Variants in TBL1Y observed in about 807,000 individuals in gnomAD.
TBL1Y encodes transducin beta like 1 Y-linked, also known as F-box-like/WD repeat-containing protein TBL1Y.
TBL1Y carries 15 observed loss-of-function variants against 12.0 expected under a neutral mutation model. That is an observed-to-expected ratio of 1.25 (90% CI 0.83 to 1.92). The LOEUF (loss-of-function observed/expected upper bound fraction) is 1.92. Ranked by LOEUF, TBL1Y falls within the 40% of genes most tolerant of loss-of-function variation. TBL1Y has a pLI of 0.00. For synonymous variants in TBL1Y, 53 were observed against 42.6 expected, an observed-to-expected ratio of 1.24 and a Z score of -0.95; for missense variants, 148 against 116.7, an observed-to-expected ratio of 1.27 and a Z score of -1.24.
At chrY:6,966,651 T>C in intron 2 of TBL1Y, among the ~76,000 whole-genome samples, 1 of 33,350 alleles carries the variant, frequency 3.0e-5, no homozygotes, top group Non-Finnish European at 7.4e-5. Flanking sequence ...CGTGTGTATG[T>C]AAGTGAGAGA....
chrY:7,018,764 C>T, intron 4 of TBL1Y, among the ~76,000 whole-genome samples: 1 of 33,059 alleles, frequency 3.0e-5, no homozygotes, highest in Non-Finnish European at 7.4e-5. Flanking sequence ...AGTGGAACAC[C>T]CAGGGTCTGT....
Position 7,086,378 on chromosome Y carries a change from C to G in TBL1Y, c.1241C>G (p.Pro414Arg), listed in dbSNP as rs1347968171. 1 of 386,517 alleles carries G rather than the reference C, an allele frequency of 2.6e-6. No homozygotes were observed. Among genetic ancestry groups the G allele is most frequent in the East Asian group, 1.0e-4 (1 of 9,708 alleles). The change falls in exon 16 of 19, where the codon CCT becomes CGT. Residue 414 changes from proline (P) to arginine (R), a missense_variant. By Grantham distance (103) the Pro-to-Arg change is moderately radical. Transcript: ENST00000383032. The part of the protein sequence containing the change: ...IYTIKWSPTG[P>R]ATSNPNSSIM... ...ACCATCAAGTGGAGCCCCACCGGGCCTGCCACCAGCAACCCAAACTCCAGC... is the reference window on the plus strand; with the variant it reads ...ACCATCAAGTGGAGCCCCACCGGGCGTGCCACCAGCAACCCAAACTCCAGC...
intron 12 of TBL1Y, 65 bp from the exon 13 acceptor site, chrY:7,074,495 T>C: frequency 2.1e-5 from 7 of 340,826 alleles, no homozygotes; most frequent in South Asian, 3.2e-5. Context: ...TCTTGTATGA[T>C]ACATGTTACT....
rs776039221 is a variant in TBL1Y, at chrY:7,025,102, C to T, written c.18C>T (p.Asp6=). The part of the protein sequence containing the change: MSITS[D]EVNFLVYRYL... ...AGGCTAAGATGAGCATAACCAGTGACGAGGTGAACTTTCTGGTTTATCGGT... is the reference window on the plus strand; with the variant it reads ...AGGCTAAGATGAGCATAACCAGTGATGAGGTGAACTTTCTGGTTTATCGGT... The change falls in exon 6 of 19, where the codon GAC becomes GAT. Residue 6 remains aspartate, a synonymous_variant. Transcript: ENST00000383032. 2.0e-4 allele frequency: 78 copies of T among 394,887 alleles called. No homozygotes were observed. The highest frequency in any genetic ancestry group is 2.3e-4 in the Non-Finnish European group (65 of 282,541).
chrY:6,958,042 C>A, intron 2 of TBL1Y, among the ~76,000 whole-genome samples: 2 of 33,858 alleles, frequency 5.9e-5, no homozygotes, highest in Non-Finnish European at 1.5e-4. Flanking sequence ...GGAAGTATAA[C>A]AAAGGCATTG....
At chrY:6,913,031 G>A in intron 2 of TBL1Y, among the ~76,000 whole-genome samples, 1 of 31,765 alleles carries the variant, frequency 3.1e-5, no homozygotes, top group East Asian at 8.2e-4. Flanking sequence ...GTATTCTGCT[G>A]GGCCCAGGGC....
chrY:6,912,518 T>C, intron 2 of TBL1Y, among the ~76,000 whole-genome samples: 1 of 32,458 alleles, frequency 3.1e-5, no homozygotes, highest in Non-Finnish European at 7.5e-5. Context: ...CTCCGAGGAG[T>C]CCTCTGCTAG....
chrY:6,990,910 C>CACCACCTCTG (rs2012360141), intron 3 of TBL1Y, among the ~76,000 whole-genome samples: 3 of 33,155 alleles, frequency 9.0e-5, no homozygotes, highest in Non-Finnish European at 1.5e-4. Flanking sequence ...CTCAAGTCTA[C>CACCACCTCTG]ACCACCTCTG....
intron 7 of TBL1Y, among the ~76,000 whole-genome samples, chrY:7,059,868 A>T: frequency 3.0e-5 from 1 of 33,539 alleles, no homozygotes; most frequent in Non-Finnish European, 7.4e-5. Context: ...TTAGGGTGTT[A>T]TTAGTGTTAA....
rs750015379 is a variant in TBL1Y at position 6,971,651 on chromosome Y, C to G, written c.-265-6562C>G. On this transcript the variant is annotated intron_variant, in intron 2 of 18. Coordinates refer to ENST00000383032, the MANE Select transcript of TBL1Y (RefSeq NM_033284.2). ...GAGAGGAGAGACTTGCTCTGTCACT[C>G]AGCCTGCAGTGTAATGGCACAATCT... Among the ~76,000 whole-genome samples, 5 of 32,992 alleles carry G rather than the reference C, an allele frequency of 1.5e-4. No homozygotes were observed. The East Asian group carries it at 3.2e-3, about 21-fold the overall frequency. The allele number at this position is 32,992 out of a possible 37,273, so 88.5% of individuals were successfully genotyped here.
chrY:6,929,009 C>G (rs1603026008), intron 2 of TBL1Y, among the ~76,000 whole-genome samples: 2 of 32,833 alleles, frequency 6.1e-5, no homozygotes, highest in African/African-American at 2.4e-4. Context: ...TGGCTGAGTC[C>G]GGAGTTTTTA....
At chrY:7,051,703 G>A in intron 7 of TBL1Y, among the ~76,000 whole-genome samples, 1 of 33,142 alleles carries the variant, frequency 3.0e-5, no homozygotes, top group Non-Finnish European at 7.4e-5. Flanking sequence ...AGAATTACAT[G>A]TTACCTAGAG....
chrY:6,932,101 T>A (rs2011869023), intron 2 of TBL1Y, among the ~76,000 whole-genome samples: 1 of 34,225 alleles, frequency 2.9e-5, no homozygotes, highest in Non-Finnish European at 7.3e-5. Context: ...TTCATCCCAG[T>A]GGAAATTCTT....
chrY:6,918,908 C>T (rs2011756099), intron 2 of TBL1Y: 2 of 22,686 alleles, frequency 8.8e-5, no homozygotes, highest in Non-Finnish European at 1.9e-4. Flanking sequence ...CTCGCTCTGT[C>T]TCTTGTGGGT....
At chrY:7,017,774 C>T (rs2012560086) in intron 4 of TBL1Y, among the ~76,000 whole-genome samples, 1 of 33,633 alleles carries the variant, frequency 3.0e-5, no homozygotes, top group African/African-American at 1.2e-4. Flanking sequence ...TTTGGCTAGA[C>T]CTTTGTAACT....
At chrY:6,991,259 C>A (rs2012361533) in intron 3 of TBL1Y, among the ~76,000 whole-genome samples, 1 of 33,637 alleles carries the variant, frequency 3.0e-5, no homozygotes, top group Non-Finnish European at 7.3e-5. Context: ...CAGCATGGCT[C>A]ACTCCTGGTG....
chrY:7,059,564 T>G (rs984332968), intron 7 of TBL1Y, among the ~76,000 whole-genome samples: 30 of 32,981 alleles, frequency 9.1e-4, no homozygotes, highest in Non-Finnish European at 2.0e-3. Flanking sequence ...GAGAATGTGA[T>G]CCTCAGGCTG....
intron 6 of TBL1Y, among the ~76,000 whole-genome samples, chrY:7,042,174 C>A (rs2012726165): frequency 3.1e-5 from 1 of 32,545 alleles, no homozygotes; most frequent in Non-Finnish European, 7.5e-5. Flanking sequence ...GCAATTGCCC[C>A]CAGTGCACTT....
At chrY:7,052,132 G>C in intron 7 of TBL1Y, among the ~76,000 whole-genome samples, 1 of 33,615 alleles carries the variant, frequency 3.0e-5, no homozygotes, top group Non-Finnish European at 7.3e-5. Flanking sequence ...CAATTCTGAG[G>C]GCATTTCTCT....
Sources: gnomAD v4.1 joint callset for allele counts (sites outside exome capture counted in the v4.1 genomes callset) on GRCh38, gnomAD v4.1.1 for gene constraint, MANE v1.5 for transcripts, NCBI Gene and HGNC (gene_info 2026-07-23, HGNC 2026-07-21) for gene names.